Variants in CLEC4D observed in about 807,000 individuals in gnomAD.
The protein encoded by CLEC4D is C-type (calcium dependent, carbohydrate-recognition domain) lectin, superfamily member 8.
CLEC4D carries 21 observed loss-of-function variants against 21.1 expected under a neutral mutation model. That is an observed-to-expected ratio of 1.00 (90% confidence interval 0.71 to 1.43). The LOEUF (loss-of-function observed/expected upper bound fraction) is 1.43. Ranked by LOEUF, CLEC4D falls within the 40% of genes most tolerant of loss-of-function variation. The pLI, the probability that CLEC4D is intolerant of heterozygous loss-of-function variation, is 0.00. For synonymous variants in CLEC4D, 85 were observed against 83.1 expected (o/e 1.02, Z -0.12); for missense variants, 289 against 260.7 (o/e 1.11, Z -0.75).
At chr12:8,528,085 C>T in the CLEC4D span, among the ~76,000 whole-genome samples, 1 of 152,076 alleles carries the variant, frequency 6.6e-6, no homozygotes, top group African/African-American at 2.4e-5. Flanking sequence ...TCACTTATTG[C>T]GGTTTTTTTC....
In CLEC4D at chr12:8,521,814, G is replaced by T. The variant is rs934982128; in HGVS notation, c.*543G>T. 2 of 152,392 alleles carry T rather than the reference G, an allele frequency of 1.3e-5. No homozygotes were observed. The highest frequency in any genetic ancestry group is 2.9e-5 in the Non-Finnish European group (2 of 68,248). The allele number at this position is 152,392 out of a possible 1,614,324, so 9.4% of individuals were successfully genotyped here. On this transcript the variant is annotated 3_prime_UTR_variant, in exon 6 of 6. Transcript: ENST00000299665. ...AAAATTTTTCCAGAACAACAGTGTG[G>T]AATAGTTCTGAATTATGCTGTTCTA...
the CLEC4D span, among the ~76,000 whole-genome samples, chr12:8,528,744 C>A: frequency 2.0e-5 from 3 of 151,948 alleles, no homozygotes; most frequent in African/African-American, 7.2e-5. Context: ...ATCTTCTAAC[C>A]TGAACTCTAG....
chr12:8,517,672 C>T (rs781130812), intron 2 of CLEC4D, among the ~76,000 whole-genome samples: 2 of 152,230 alleles, frequency 1.3e-5, no homozygotes, highest in East Asian at 1.9e-4. Flanking sequence ...ACGGGCCGGA[C>T]GCGGTGGCTC....
chr12:8,519,810 A>T (rs1373387182), intron 4 of CLEC4D, among the ~76,000 whole-genome samples: 2 of 152,226 alleles, frequency 1.3e-5, no homozygotes, highest in African/African-American at 4.8e-5. Flanking sequence ...TTCTTGGTTA[A>T]TAGTTTCCTC....
chr12:8,513,514 C>T lies in CLEC4D; in HGVS notation c.-219C>T, dbSNP rs910663923. The T allele has an allele frequency of 1.9e-4, 66 of 354,218 alleles. No individual in the cohort carries two copies. Among genetic ancestry groups the T allele is most frequent in the East Asian group, 1.8e-3 (46 of 25,392 alleles). 21.9% of individuals were successfully genotyped at this position (354,218 alleles called of 1,614,324 possible). ...TTTTTTTTTTTTTCGCCTCATCTCC[C>T]GGAATGTATCAAAGGAAACCCCTGT... On this transcript the variant is annotated 5_prime_UTR_variant, in exon 1 of 6. Transcript: ENST00000299665.
At chr12:8,526,737 T>C (rs1271420194), downstream of CLEC4D, among the ~76,000 whole-genome samples, 3 of 152,162 alleles carry the variant, frequency 2.0e-5, no homozygotes, top group African/African-American at 2.4e-5. Flanking sequence ...GATGGAGAGA[T>C]GCTGTGATCA....
rs376236409 is a variant in CLEC4D at position 8,519,152 on chromosome 12, G to A, written c.376G>A (p.Ala126Thr). The change falls in exon 4 of 6, where the codon GCT becomes ACT. Residue 126 changes from alanine (A) to threonine (T), a missense_variant. By Grantham distance (58) the Ala-to-Thr change is moderately conservative. Transcript: ENST00000299665. ...GAHLMTISTE[A>T]EQNFIIQFLD... Reference sequence around the variant, plus strand: ...CCATCTGATGACCATCAGCACGGAAGCTGAGCAGGTGTGTTGGGAGGATCA... The same window carrying A: ...CCATCTGATGACCATCAGCACGGAAACTGAGCAGGTGTGTTGGGAGGATCA... The A allele has an allele frequency of 3.1e-6, 5 of 1,613,662 alleles. No individual in the cohort carries two copies. Among genetic ancestry groups the A allele is most frequent in the Non-Finnish European group, 4.2e-6 (5 of 1,179,902 alleles).
At chr12:8,530,078 TAATC>T in the CLEC4D span, among the ~76,000 whole-genome samples, 1 of 152,226 alleles carries the variant, frequency 6.6e-6, no homozygotes, top group Non-Finnish European at 1.5e-5. Flanking sequence ...TTAATGTAAT[TAATC>T]TTATCAACAT....
Position 8,521,202 on chromosome 12 carries a change from C to T in CLEC4D, c.579C>T (p.Ala193=), listed in dbSNP as rs1336625477. ...TTGTTTATAACCAAGATAAATGGGC[C>T]TGGAATGATGTTCCTTGTAACTTTG... ...VVLVYNQDKW[A]WNDVPCNFEA... is the part of the protein sequence containing the mutation. The change falls in exon 6 of 6, where the codon GCC becomes GCT. Residue 193 remains alanine, a synonymous_variant. Coordinates refer to ENST00000299665, the MANE Select transcript of CLEC4D (RefSeq NM_080387.5). 6.2e-7 allele frequency: 1 copy of T among 1,613,434 alleles called. No individual in the cohort carries two copies. The highest frequency in any genetic ancestry group is 8.5e-7 in the Non-Finnish European group (1 of 1,179,668).
chr12:8,528,882 T>C, the CLEC4D span, among the ~76,000 whole-genome samples: 13 of 151,496 alleles, frequency 8.6e-5, no homozygotes, highest in African/African-American at 3.1e-4. Context: ...CTATGTACTA[T>C]ACATAATAAA....
chr12:8,518,455 T>G (rs2136386616), intron 3 of CLEC4D, among the ~76,000 whole-genome samples, 181 bp downstream of exon 3: 1 of 152,374 alleles, frequency 6.6e-6, no homozygotes, highest in Non-Finnish European at 1.5e-5. Context: ...ATCCAGTTAA[T>G]AACCGGAGAA....
intron 2 of CLEC4D, among the ~76,000 whole-genome samples, chr12:8,517,001 C>T (rs567814082): frequency 6.6e-6 from 1 of 152,196 alleles, no homozygotes; most frequent in Non-Finnish European, 1.5e-5. Flanking sequence ...AGAATACATA[C>T]TGTGTGATTG....
chr12:8,519,417 T>C (rs140925857), intron 4 of CLEC4D, among the ~76,000 whole-genome samples: 48 of 152,312 alleles, frequency 3.2e-4, no homozygotes, highest in Non-Finnish European at 5.6e-4. Flanking sequence ...AAGTGGGAAG[T>C]ACTTCTGTAG....
At chr12:8,514,663 G>A (rs912076855) in intron 1 of CLEC4D, among the ~76,000 whole-genome samples, 2 of 152,044 alleles carry the variant, frequency 1.3e-5, no homozygotes, top group Non-Finnish European at 1.5e-5. Flanking sequence ...TTTCCCCTCA[G>A]CCTTGCCAAC....
chr12:8,520,763 G>A (rs557268247), intron 5 of CLEC4D, among the ~76,000 whole-genome samples: 5 of 152,094 alleles, frequency 3.3e-5, no homozygotes, highest in Admixed American at 6.5e-5. Flanking sequence ...GTAAAAAGAA[G>A]CAAGTGAAAT....
Position 8,521,149 on chromosome 12 carries a change from A to T in CLEC4D, c.526A>T (p.Asn176Tyr), listed in dbSNP as rs1353685523. The change falls in exon 6 of 6, where the codon AAC becomes TAC. Residue 176 changes from asparagine to tyrosine, a missense_variant. By Grantham distance (143) the Asn-to-Tyr change is moderately radical. Transcript: ENST00000299665. ...ATTCTGGCATAAGAATGAACCCGAC[A>T]ACTCTCAGGGAGAAAACTGTGTTGT... ...RVFWHKNEPD[N>Y]SQGENCVVLV... 2 of 1,613,448 alleles carry T rather than the reference A, an allele frequency of 1.2e-6. No individual in the cohort carries two copies. The highest frequency in any genetic ancestry group is 1.7e-6 in the Non-Finnish European group (2 of 1,179,578).
At chr12:8,515,214 TC>T (rs761190888) in intron 1 of CLEC4D, 21 bp from the exon 2 acceptor site, 1 of 1,074,096 alleles carries the variant, frequency 9.3e-7, no homozygotes, top group East Asian at 2.4e-5. Context: ...GAGGTTAATC[TC>T]TATTTTTCTT....
the CLEC4D span, among the ~76,000 whole-genome samples, chr12:8,527,867 C>G: frequency 2.0e-5 from 3 of 151,370 alleles, no homozygotes; most frequent in Non-Finnish European, 4.4e-5. Context: ...TTACACAGTT[C>G]CGTGGAAAAA....
downstream of CLEC4D, among the ~76,000 whole-genome samples, chr12:8,523,921 T>A (rs925754809): frequency 6.6e-6 from 1 of 152,196 alleles, no homozygotes. Flanking sequence ...GATGTTTAAT[T>A]TCATCAAAGG....
Sources: allele counts gnomAD v4.1 joint callset (sites outside exome capture counted in the v4.1 genomes callset), GRCh38; gene constraint gnomAD v4.1.1; transcripts MANE v1.5; gene names NCBI Gene and HGNC (gene_info 2026-07-23, HGNC 2026-07-21).